Variants in PLXDC2 observed in about 807,000 individuals in gnomAD.
PLXDC2 encodes the protein plexin domain containing 2.
PLXDC2 carries 40 observed loss-of-function variants against 68.9 expected under a neutral mutation model. That is an observed-to-expected ratio of 0.58 (90% confidence interval 0.45 to 0.76). The LOEUF (loss-of-function observed/expected upper bound fraction) is 0.76. Among genes scored for constraint, PLXDC2 ranks in the 30% least tolerant of loss-of-function variants. PLXDC2 has a pLI of 0.00. For missense variants in PLXDC2, 644 were observed against 661.9 expected (o/e 0.97, Z 0.30); for synonymous variants, 243 against 234.2 (o/e 1.04, Z -0.34).
At chr10:20,214,381 G>A (rs961756490) in intron 10 of PLXDC2, among the ~76,000 whole-genome samples, 2 of 152,074 alleles carry the variant, frequency 1.3e-5, no homozygotes, top group Admixed American at 1.3e-4. Context: ...GGGATCCTCA[G>A]GATTTTCAGG....
chr10:20,088,207 C>A (rs529190622), intron 4 of PLXDC2, among the ~76,000 whole-genome samples: 1 of 152,076 alleles, frequency 6.6e-6, no homozygotes, highest in Non-Finnish European at 1.5e-5. Flanking sequence ...TGTAGAGTAA[C>A]GATATCTCCT....
At chr10:19,856,049 C>T (rs57585811) in intron 1 of PLXDC2, among the ~76,000 whole-genome samples, 2 of 151,990 alleles carry the variant, frequency 1.3e-5, no homozygotes, top group African/African-American at 2.4e-5. Flanking sequence ...GAGCCAAGAT[C>T]GTGCCACTGC....
chr10:19,828,169 G>A (rs1250168550), intron 1 of PLXDC2, among the ~76,000 whole-genome samples: 3 of 152,134 alleles, frequency 2.0e-5, no homozygotes, highest in Non-Finnish European at 4.4e-5. Flanking sequence ...GACCAGCAAC[G>A]CTCCAATCAA....
chr10:19,877,272 A>T (rs1837649325), intron 1 of PLXDC2, among the ~76,000 whole-genome samples: 1 of 152,150 alleles, frequency 6.6e-6, no homozygotes, highest in South Asian at 2.1e-4. Context: ...AGAGAATTAG[A>T]TGATATAACT....
At chr10:19,893,810 C>A (rs960432608) in intron 1 of PLXDC2, among the ~76,000 whole-genome samples, 1 of 152,200 alleles carries the variant, frequency 6.6e-6, no homozygotes, top group Non-Finnish European at 1.5e-5. Context: ...ACTCATGTCT[C>A]CTCAACTAGT....
intron 9 of PLXDC2, among the ~76,000 whole-genome samples, chr10:20,200,387 CA>C (rs1834900935): frequency 6.6e-6 from 1 of 151,260 alleles, no homozygotes; most frequent in East Asian, 1.9e-4. Flanking sequence ...AACATAAATC[CA>C]AAAAAGGTGA....
At chr10:20,078,469 G>A (rs536477482) in intron 4 of PLXDC2, among the ~76,000 whole-genome samples, 4 of 152,268 alleles carry the variant, frequency 2.6e-5, no homozygotes, top group Non-Finnish European at 5.9e-5. Flanking sequence ...TGAAAAATAA[G>A]AGTCATGGAA....
rs374583356 is a variant in PLXDC2 at position 20,245,528 on chromosome 10, G to A, written c.1473+23G>A. On this transcript the variant is annotated intron_variant, in intron 13 of 13. Coordinates refer to ENST00000377252, the MANE Select transcript of PLXDC2 (RefSeq NM_032812.9). ...GAGGTAAGTGTTGAGTTTAACACATGAAAACCACGCCAGTTGATGAACTGT... is the reference window on the plus strand; with the variant it reads ...GAGGTAAGTGTTGAGTTTAACACATAAAAACCACGCCAGTTGATGAACTGT... 56 of 1,600,500 alleles carry A rather than the reference G, an allele frequency of 3.5e-5. 1 individual carries two copies. The African/African-American group carries it at 6.3e-4, about 18-fold the overall frequency.
chr10:19,965,387 G>A (rs1444080932), intron 1 of PLXDC2, among the ~76,000 whole-genome samples: 3 of 152,168 alleles, frequency 2.0e-5, no homozygotes, highest in Non-Finnish European at 1.5e-5. Flanking sequence ...GGTGGCGGTA[G>A]GTACTGCCAT....
At chr10:19,862,606 A>G (rs998010414) in intron 1 of PLXDC2, among the ~76,000 whole-genome samples, 9 of 152,316 alleles carry the variant, frequency 5.9e-5, no homozygotes, top group African/African-American at 2.2e-4. Context: ...CATAAATGAG[A>G]AAGTTTACTG....
chr10:19,853,914 T>G (rs1564610086), intron 1 of PLXDC2, among the ~76,000 whole-genome samples: 1 of 152,164 alleles, frequency 6.6e-6, no homozygotes, highest in Non-Finnish European at 1.5e-5. Context: ...TGACTCCCCT[T>G]TATTTACTCT....
intron 3 of PLXDC2, among the ~76,000 whole-genome samples, chr10:20,056,276 G>A (rs1835996776): frequency 1.3e-5 from 2 of 152,098 alleles, no homozygotes; most frequent in South Asian, 4.1e-4. Flanking sequence ...TTTGTCCCAA[G>A]TATTATTCCA....
intron 3 of PLXDC2, among the ~76,000 whole-genome samples, chr10:20,067,099 AG>A (rs1245006068): frequency 6.6e-6 from 1 of 152,204 alleles, no homozygotes; most frequent in Non-Finnish European, 1.5e-5. Context: ...CATATAAAAA[AG>A]ATTAGGATTT....
intron 13 of PLXDC2, among the ~76,000 whole-genome samples, chr10:20,252,085 A>C (rs11011910): frequency 0.26 from 39,883 of 152,052 alleles, 5,537 homozygotes; most frequent in African/African-American, 0.36. Context: ...TATAGGAACA[A>C]TGGCCCTTGT....
chr10:20,113,983 G>T (rs1311203622), intron 4 of PLXDC2, among the ~76,000 whole-genome samples: 2 of 152,128 alleles, frequency 1.3e-5, no homozygotes, highest in Non-Finnish European at 2.9e-5. Context: ...AATTAGTTAG[G>T]CATGATGGCA....
chr10:20,051,722 G>T (rs1478165009), intron 3 of PLXDC2, among the ~76,000 whole-genome samples: 1 of 151,790 alleles, frequency 6.6e-6, no homozygotes, highest in African/African-American at 2.4e-5. Flanking sequence ...TATTTGGTAG[G>T]TCTAGGATGG....
At chr10:20,084,424 C>T (rs911525193) in intron 4 of PLXDC2, among the ~76,000 whole-genome samples, 10 of 152,124 alleles carry the variant, frequency 6.6e-5, no homozygotes, top group African/African-American at 2.4e-4. Context: ...TGTGAGAACA[C>T]CCAGTAACAC....
chr10:19,970,826 T>C (rs756293817), intron 1 of PLXDC2, among the ~76,000 whole-genome samples: 22 of 152,098 alleles, frequency 1.4e-4, no homozygotes, highest in Non-Finnish European at 2.2e-4. Context: ...GAAAAAGCAA[T>C]AGAGAACAAG....
chr10:20,248,889 T>C (rs1835634781), intron 13 of PLXDC2, among the ~76,000 whole-genome samples: 2 of 152,232 alleles, frequency 1.3e-5, no homozygotes, highest in South Asian at 4.1e-4. Context: ...TGAAGTGAAA[T>C]TGATGTGCTT....
Sources: gnomAD v4.1 joint callset for allele counts (sites outside exome capture counted in the v4.1 genomes callset) on GRCh38, gnomAD v4.1.1 for gene constraint, MANE v1.5 for transcripts, NCBI Gene and HGNC (gene_info 2026-07-23, HGNC 2026-07-21) for gene names.